The following DCTN6 variants were observed in gnomAD, a reference collection of about 807,000 sequenced individuals.
The protein encoded by DCTN6 is dynactin subunit 6.
A neutral mutation model predicts 25.8 loss-of-function variants in DCTN6; 15 were observed. The ratio of observed to expected loss-of-function variants is 0.58; its 90% CI spans 0.39 to 0.89. The LOEUF is 0.89. Ranked by LOEUF, DCTN6 falls within the 40% of genes least tolerant of loss-of-function variation. DCTN6 has a pLI of 0.00. For synonymous variants in DCTN6, 64 were observed against 78.3 expected (o/e 0.82, Z 0.96); for missense variants, 198 against 237.6 (o/e 0.83, Z 1.09).
intron 6 of DCTN6, chr8:30,181,036 TAAAAA>T (rs985910013): frequency 1.2e-4 from 26 of 209,318 alleles, no homozygotes; most frequent in African/African-American, 5.9e-4. Flanking sequence ...AATAAATAAA[TAAAAA>T]GAAAACAATG....
intron 2 of DCTN6, among the ~76,000 whole-genome samples, chr8:30,172,705 GGCCTCCCAAA>G (rs1229686658): frequency 6.6e-6 from 1 of 152,034 alleles, no homozygotes; most frequent in East Asian, 1.9e-4. Context: ...CACCCACCTC[GGCCTCCCAAA>G]GTGCTGGGAT....
intron 1 of DCTN6, among the ~76,000 whole-genome samples, chr8:30,156,683 A>C (rs1043232764): frequency 4.0e-5 from 6 of 148,968 alleles, no homozygotes; most frequent in African/African-American, 1.3e-4. Context: ...CCCGGCCGGG[A>C]GGGCGGGGGG....
rs969219305 is a variant in DCTN6 at position 30,182,963 on chromosome 8, C to T, written c.475-112C>T. On this transcript the variant is annotated intron_variant, in intron 6 of 6. Transcript: ENST00000221114. The stretch of plus-strand genomic sequence containing the variant: ...TCCTGAGCTCAAATCATCCTCCTGT[C>T]TGGGCCTCCCAAAGTGCTGAGATTA... 3.8e-6 allele frequency: 3 copies of T among 779,786 alleles called. No individual in the cohort carries two copies. The East Asian group carries it at 7.7e-5, about 20-fold the overall frequency. The allele number at this position is 779,786 out of a possible 1,614,324, so 48.3% of individuals were successfully genotyped here. A position where few individuals can be genotyped will look rare whatever the true frequency, so the allele number is the denominator to read the frequency against.
At chr8:30,164,240 C>T in intron 2 of DCTN6, 65 bp downstream of exon 2, 3 of 1,209,302 alleles carry the variant, frequency 2.5e-6, no homozygotes, top group Non-Finnish European at 2.4e-6. Flanking sequence ...TAGTGCTTTA[C>T]AATTAGATAC....
At chr8:30,176,089 T>A (rs1428929172) in intron 3 of DCTN6, among the ~76,000 whole-genome samples, 1 of 152,222 alleles carries the variant, frequency 6.6e-6, no homozygotes, top group Non-Finnish European at 1.5e-5. Context: ...TATGTGAATA[T>A]CTGTTTATGT....
At chr8:30,165,635 C>G (rs1009196747) in intron 2 of DCTN6, 2 of 153,098 alleles carry the variant, frequency 1.3e-5, no homozygotes, top group African/African-American at 4.8e-5. Context: ...GAGGCTGAGG[C>G]GGGCGGATCA....
chr8:30,175,727 C>T (rs1311840310), intron 3 of DCTN6, among the ~76,000 whole-genome samples: 1 of 152,116 alleles, frequency 6.6e-6, no homozygotes, highest in African/African-American at 2.4e-5. Context: ...TGTGCATGAT[C>T]TGAGTGAACT....
chr8:30,169,892 G>C (rs1362799783), intron 2 of DCTN6, among the ~76,000 whole-genome samples: 2 of 152,192 alleles, frequency 1.3e-5, no homozygotes, highest in African/African-American at 2.4e-5. Context: ...AGTTCACCAG[G>C]CCAGAGGCGG....
chr8:30,183,390 A>G lies in DCTN6; in HGVS notation c.*217A>G. 2 of 360,186 alleles carry G rather than the reference A, an allele frequency of 5.6e-6. No homozygotes were observed. Among genetic ancestry groups the G allele is most frequent in the Non-Finnish European group, 9.9e-6 (2 of 201,330 alleles). 22.3% of individuals were successfully genotyped at this position (360,186 alleles called of 1,614,324 possible). A position where few individuals can be genotyped will look rare whatever the true frequency, so the allele number is the denominator to read the frequency against. On this transcript the variant is annotated 3_prime_UTR_variant, in exon 7 of 7. Coordinates refer to ENST00000221114, the MANE Select transcript of DCTN6 (RefSeq NM_006571.4). Reference sequence around the variant, plus strand: ...CCTATATCCTTGGTTCTTTTCTGATAATTTACAGATTTAGCTTTTCTTTTG... The same window carrying G: ...CCTATATCCTTGGTTCTTTTCTGATGATTTACAGATTTAGCTTTTCTTTTG...
intron 2 of DCTN6, among the ~76,000 whole-genome samples, chr8:30,167,901 ATGTTGGT>A (rs1453733177): frequency 6.6e-6 from 1 of 151,874 alleles, no homozygotes; most frequent in Non-Finnish European, 1.5e-5. Flanking sequence ...GGGTTTCACC[ATGTTGGT>A]CAGGCTGATC....
intron 2 of DCTN6, among the ~76,000 whole-genome samples, chr8:30,167,440 C>CA (rs1164007209): frequency 6.6e-6 from 1 of 152,150 alleles, no homozygotes; most frequent in Non-Finnish European, 1.5e-5. Flanking sequence ...CGAACCCCTG[C>CA]ACTCAAGTGA....
chr8:30,179,482 C>T (rs746366976), intron 5 of DCTN6, 27 bp downstream of exon 5: 18 of 1,592,858 alleles, frequency 1.1e-5, no homozygotes, highest in Non-Finnish European at 1.4e-5. Flanking sequence ...GTTTCATTGT[C>T]AAAGCAGTGA....
chr8:30,166,727 G>A (rs1406888929), intron 2 of DCTN6, among the ~76,000 whole-genome samples: 2 of 152,026 alleles, frequency 1.3e-5, no homozygotes, highest in South Asian at 2.1e-4. Context: ...TCTCTCTCTG[G>A]TTTTCACTAC....
Position 30,175,090 on chromosome 8 carries a change from C to G in DCTN6, c.94C>G (p.Arg32Gly), listed in dbSNP as rs766656280. 6.2e-7 allele frequency: 1 copy of G among 1,613,946 alleles called. No individual in the cohort carries two copies. The highest frequency in any genetic ancestry group is 1.1e-5 in the South Asian group (1 of 91,060). ...TCTCAAACTATTTTTAACAGGACCT[C>G]GGACAGTGATCCACCCTAAAGCAAG... ...EIRGDVTIGP[R>G]TVIHPKARII... The change falls in exon 3 of 7, where the codon CGG becomes GGG. Residue 32 changes from arginine (R) to glycine (G), a missense_variant. Coordinates refer to ENST00000221114, the MANE Select transcript of DCTN6 (RefSeq NM_006571.4).
intron 2 of DCTN6, among the ~76,000 whole-genome samples, chr8:30,172,117 C>A (rs1803771399): frequency 6.6e-6 from 1 of 152,168 alleles, no homozygotes; most frequent in South Asian, 2.1e-4. Context: ...CAGCTGGAAG[C>A]CTTACAGTTT....
chr8:30,158,704 T>C (rs1585497090), intron 1 of DCTN6, among the ~76,000 whole-genome samples: 1 of 138,788 alleles, frequency 7.2e-6, no homozygotes, highest in African/African-American at 2.7e-5. Flanking sequence ...AGATTGACTT[T>C]TTTTTTTTTT....
chr8:30,176,006 C>T (rs1803827453), intron 3 of DCTN6, among the ~76,000 whole-genome samples: 2 of 152,312 alleles, frequency 1.3e-5, no homozygotes, highest in South Asian at 4.1e-4. Flanking sequence ...TTAAAAATGG[C>T]GTCCACCTCT....
chr8:30,168,978 G>A (rs1412537066), intron 2 of DCTN6, among the ~76,000 whole-genome samples: 1 of 152,170 alleles, frequency 6.6e-6, no homozygotes, highest in Non-Finnish European at 1.5e-5. Context: ...AAACATTTCT[G>A]AAAGGTACCT....
At chr8:30,158,240 C>G (rs1320399493) in intron 1 of DCTN6, among the ~76,000 whole-genome samples, 3 of 152,150 alleles carry the variant, frequency 2.0e-5, no homozygotes, top group Non-Finnish European at 4.4e-5. Context: ...TTAGATAATG[C>G]TCTTTTCATA....
Sources: allele counts gnomAD v4.1 joint callset (sites outside exome capture counted in the v4.1 genomes callset), GRCh38; gene constraint gnomAD v4.1.1; transcripts MANE v1.5; gene names NCBI Gene and HGNC (gene_info 2026-07-23, HGNC 2026-07-21).